The following ARHGAP18 variants were observed in gnomAD, a reference collection of about 807,000 sequenced individuals.
The protein encoded by ARHGAP18 is rho GTPase-activating protein 18.
ARHGAP18 carries 67 observed loss-of-function variants against 86.2 expected under a neutral mutation model. That is an observed-to-expected ratio of 0.78 (90% CI 0.64 to 0.95). ARHGAP18 has a LOEUF of 0.95. ARHGAP18 is among the 40% of genes least tolerant of loss of function. The pLI is 0.00. For synonymous variants in ARHGAP18, 283 were observed against 280.4 expected (o/e 1.01, Z -0.09); for missense variants, 691 against 780.4 (o/e 0.89, Z 1.37).
chr6:129,608,408 T>G (rs1184802126), intron 8 of ARHGAP18, among the ~76,000 whole-genome samples: 2 of 151,952 alleles, frequency 1.3e-5, no homozygotes, highest in Non-Finnish European at 2.9e-5. Context: ...TTCGTTAAAT[T>G]AAGAAAAAAA....
At chr6:129,680,185 T>C (rs1341075016) in intron 1 of ARHGAP18, among the ~76,000 whole-genome samples, 1 of 152,216 alleles carries the variant, frequency 6.6e-6, no homozygotes, top group Non-Finnish European at 1.5e-5. Flanking sequence ...AATTAGGACC[T>C]TTTTAAAAAT....
chr6:129,638,588 A>T lies in ARHGAP18; in HGVS notation c.358T>A (p.Ser120Thr). 1 of 1,614,198 alleles carries T rather than the reference A, an allele frequency of 6.2e-7. No homozygotes were observed. Among genetic ancestry groups the T allele is most frequent in the Non-Finnish European group, 8.5e-7 (1 of 1,180,032 alleles). The change falls in exon 3 of 15, where the codon TCC becomes ACC. Residue 120 changes from serine (S) to threonine (T), a missense_variant. Transcript: ENST00000368149. Reference protein sequence around the residue: ...EEEWLKEAGLSNLFGESAGDP... With the variant: ...EEEWLKEAGLTNLFGESAGDP... ...CCAGCAGACTCTCCGAAGAGATTGGATAAACCGGCCTCTTTAAGCCACTCT... is the reference window on the plus strand; with the variant it reads ...CCAGCAGACTCTCCGAAGAGATTGGTTAAACCGGCCTCTTTAAGCCACTCT...
At position 129,676,912 on chromosome 6, in the gene ARHGAP18, CCTCTTTTTTTTTTTTT is replaced by C. The variant is rs1371974913; in HGVS notation, c.113+33096_113+33111del. Among the ~76,000 whole-genome samples, 116 of 103,880 alleles carry C rather than the reference CCTCTTTTTTTTTTTTT, an allele frequency of 1.1e-3. 1 individual carries two copies. Among genetic ancestry groups the C allele is most frequent in the African/African-American group, 4.6e-3 (105 of 22,858 alleles). The allele number at this position is 103,880 out of a possible 152,430, so 68.1% of individuals were successfully genotyped here. ...TGAAAACAGATGAAAAATTTTTTGT[CCTCTTTTTTTTTTTTT>C]TTTTTTTTTTTTTTTTTTTTAAGGA... On this transcript the variant is annotated intron_variant, in intron 1 of 14. Coordinates refer to ENST00000368149, the MANE Select transcript of ARHGAP18 (RefSeq NM_033515.3).
At chr6:129,699,774 T>A (rs1000494312) in intron 1 of ARHGAP18, among the ~76,000 whole-genome samples, 4 of 152,160 alleles carry the variant, frequency 2.6e-5, no homozygotes, top group African/African-American at 9.7e-5. Context: ...AAGTCCCCAG[T>A]CTCTTAGAGG....
At chr6:129,591,639 T>C (rs552607423) in intron 12 of ARHGAP18, among the ~76,000 whole-genome samples, 11 of 152,318 alleles carry the variant, frequency 7.2e-5, no homozygotes, top group African/African-American at 2.6e-4. Context: ...AACACTGCAT[T>C]GCTCATATTT....
At chr6:129,655,386 A>G (rs916558068) in intron 1 of ARHGAP18, among the ~76,000 whole-genome samples, 2 of 151,764 alleles carry the variant, frequency 1.3e-5, no homozygotes, top group African/African-American at 4.8e-5. Context: ...TAGAGACCAT[A>G]AAGTTATAAA....
chr6:129,613,089 C>T (rs1339185881), intron 7 of ARHGAP18, among the ~76,000 whole-genome samples: 1 of 151,894 alleles, frequency 6.6e-6, no homozygotes, highest in East Asian at 1.9e-4. Context: ...AAAAATTAGC[C>T]AGGCGTGGTG....
At chr6:129,625,839 T>C (rs1789434960) in intron 5 of ARHGAP18, among the ~76,000 whole-genome samples, 1 of 78,430 alleles carries the variant, frequency 1.3e-5, no homozygotes, top group African/African-American at 5.0e-5. Context: ...ATTATACATT[T>C]ATATATTATA....
intron 1 of ARHGAP18, among the ~76,000 whole-genome samples, chr6:129,673,242 A>T (rs998951683): frequency 1.4e-4 from 22 of 152,168 alleles, no homozygotes; most frequent in African/African-American, 4.8e-4. Flanking sequence ...TACTACATGG[A>T]AATTAATACA....
chr6:129,590,835 A>G (rs1051551685), intron 12 of ARHGAP18, among the ~76,000 whole-genome samples: 1 of 152,176 alleles, frequency 6.6e-6, no homozygotes, highest in Non-Finnish European at 1.5e-5. Flanking sequence ...TGGGATATGA[A>G]CATTTCTCAG....
intron 1 of ARHGAP18, among the ~76,000 whole-genome samples, chr6:129,651,007 C>A (rs1187332517): frequency 6.6e-6 from 1 of 152,130 alleles, no homozygotes; most frequent in African/African-American, 2.4e-5. Flanking sequence ...TCCTTGGGGG[C>A]AAGAATCTAT....
Position 129,613,280 on chromosome 6 carries a change from C to T in ARHGAP18, c.1045-1670G>A, listed in dbSNP as rs185437787. On this transcript the variant is annotated intron_variant, in intron 7 of 14. Transcript: ENST00000368149. Reference sequence around the variant, plus strand: ...GAAAAAAAATTTCTGGAATATTTTCCAAGACCACATTTTTCAAGTAACACT... The same window carrying T: ...GAAAAAAAATTTCTGGAATATTTTCTAAGACCACATTTTTCAAGTAACACT... Among the ~76,000 whole-genome samples, 16 of 151,084 alleles carry T rather than the reference C, an allele frequency of 1.1e-4. No homozygotes were observed. In the East Asian group the frequency reaches 2.5e-3, roughly 24 times the overall value.
intron 1 of ARHGAP18, among the ~76,000 whole-genome samples, chr6:129,682,407 A>G (rs926325135): frequency 3.9e-5 from 6 of 152,192 alleles, no homozygotes; most frequent in African/African-American, 1.4e-4. Flanking sequence ...GCAGACCCCC[A>G]GAACAATACA....
At chr6:129,695,836 T>C (rs1233875877) in intron 1 of ARHGAP18, among the ~76,000 whole-genome samples, 1 of 152,170 alleles carries the variant, frequency 6.6e-6, no homozygotes, top group South Asian at 2.1e-4. Flanking sequence ...GAAAGTTCCC[T>C]CATTTAAGGG....
intron 1 of ARHGAP18, among the ~76,000 whole-genome samples, chr6:129,699,227 T>G (rs1256672090): frequency 1.3e-5 from 2 of 152,186 alleles, no homozygotes; most frequent in Admixed American, 6.5e-5. Flanking sequence ...ATTTTCCACC[T>G]TCCTAAATAC....
intron 1 of ARHGAP18, among the ~76,000 whole-genome samples, chr6:129,705,298 C>G (rs17383351): frequency 0.21 from 31,665 of 152,116 alleles, 3,550 homozygotes; most frequent in South Asian, 0.3. Context: ...TAGTCCTCTT[C>G]CATTTGGCAT....
chr6:129,670,058 A>G (rs900636270), intron 1 of ARHGAP18, among the ~76,000 whole-genome samples: 14 of 152,232 alleles, frequency 9.2e-5, no homozygotes, highest in African/African-American at 3.1e-4. Flanking sequence ...TACTTTGTAT[A>G]ATTTTTCTCC....
chr6:129,591,459 C>T (rs1017281611), intron 12 of ARHGAP18, among the ~76,000 whole-genome samples: 2 of 152,136 alleles, frequency 1.3e-5, no homozygotes, highest in African/African-American at 4.8e-5. Context: ...GATTTTACAA[C>T]TTCAAGAGTG....
chr6:129,585,306 T>C (rs1469416074), intron 12 of ARHGAP18, among the ~76,000 whole-genome samples: 5 of 150,318 alleles, frequency 3.3e-5, no homozygotes, highest in Admixed American at 3.3e-4. Flanking sequence ...TAAATAAAAA[T>C]AAAATAAAAT....
Sources: gnomAD v4.1 joint callset for allele counts (sites outside exome capture counted in the v4.1 genomes callset) on GRCh38, gnomAD v4.1.1 for gene constraint, MANE v1.5 for transcripts, NCBI Gene and HGNC (gene_info 2026-07-23, HGNC 2026-07-21) for gene names.